Variants in GABRB3 observed in about 807,000 individuals in gnomAD.
GABRB3 encodes the protein gamma-aminobutyric acid receptor subunit beta-3.
GABRB3 carries 14 observed loss-of-function variants against 52.1 expected under a neutral mutation model. The ratio of observed to expected loss-of-function variants is 0.27; its 90% CI spans 0.18 to 0.42. The LOEUF (loss-of-function observed/expected upper bound fraction) is 0.42, where lower values mean the gene tolerates loss of function less well. GABRB3 is among the 10% of genes least tolerant of loss of function. The probability of loss-of-function intolerance (pLI) is 1.00; values close to 1 mark genes in which losing one functional copy is unlikely to be tolerated. For missense variants in GABRB3, 307 were observed against 609.1 expected (o/e 0.50, Z 5.22); for synonymous variants, 260 against 232.3 (o/e 1.12, Z -1.08).
chr15:26,620,665 G>A (rs1943947510), intron 4 of GABRB3, among the ~76,000 whole-genome samples: 2 of 152,176 alleles, frequency 1.3e-5, no homozygotes, highest in Non-Finnish European at 2.9e-5. Flanking sequence ...TTAGCAAGGT[G>A]ATATTCAAAA....
At chr15:26,650,923 T>C (rs1458081659) in intron 3 of GABRB3, among the ~76,000 whole-genome samples, 2 of 152,078 alleles carry the variant, frequency 1.3e-5, no homozygotes, top group Non-Finnish European at 2.9e-5. Context: ...CCAGCTCCAC[T>C]CTCTACTGAG....
At chr15:26,590,559 C>A (rs1358577999) in intron 4 of GABRB3, among the ~76,000 whole-genome samples, 4 of 152,172 alleles carry the variant, frequency 2.6e-5, no homozygotes, top group African/African-American at 7.2e-5. Context: ...TCAAATAATT[C>A]AGACCAAGCA....
chr15:26,600,862 T>A (rs965606427), intron 4 of GABRB3, among the ~76,000 whole-genome samples: 2 of 152,208 alleles, frequency 1.3e-5, no homozygotes, highest in African/African-American at 4.8e-5. Flanking sequence ...ATGTGTAAGA[T>A]GTTATCTCTA....
chr15:26,696,754 G>A (rs1795935005), intron 3 of GABRB3, among the ~76,000 whole-genome samples: 1 of 152,036 alleles, frequency 6.6e-6, no homozygotes, highest in Admixed American at 6.6e-5. Context: ...ACCTGCAGAG[G>A]GTCTCAGGGA....
At chr15:26,653,331 T>C (rs1286332939) in intron 3 of GABRB3, among the ~76,000 whole-genome samples, 1 of 152,132 alleles carries the variant, frequency 6.6e-6, no homozygotes. Context: ...AAGATTGGTG[T>C]TCAAGGTATT....
chr15:26,751,912 G>T (rs1890520252), intron 3 of GABRB3, among the ~76,000 whole-genome samples: 1 of 152,096 alleles, frequency 6.6e-6, no homozygotes, highest in East Asian at 1.9e-4. Context: ...GCTTTCAATG[G>T]GTGCTTGGCA....
chr15:26,702,919 G>A (rs1180897658), intron 3 of GABRB3, among the ~76,000 whole-genome samples: 4 of 152,166 alleles, frequency 2.6e-5, no homozygotes, highest in African/African-American at 9.7e-5. Context: ...CCTTTTGGAG[G>A]CTGGAAAGTC....
intron 3 of GABRB3, among the ~76,000 whole-genome samples, chr15:26,723,922 TGTCATAAACAAGAATG>T (rs537219019): frequency 1.3e-5 from 2 of 151,918 alleles, no homozygotes; most frequent in Non-Finnish European, 2.9e-5. Context: ...AAAAAAAAAA[TGTCATAAACAAGAATG>T]GTAATTGGCT....
At chr15:26,567,000 T>C (rs567202020) in intron 7 of GABRB3, among the ~76,000 whole-genome samples, 12 of 152,362 alleles carry the variant, frequency 7.9e-5, no homozygotes, top group African/African-American at 2.6e-4. Flanking sequence ...ATAATGTTTC[T>C]GAAAATATAA....
intron 3 of GABRB3, among the ~76,000 whole-genome samples, chr15:26,693,507 A>G (rs1320655724): frequency 1.3e-5 from 2 of 152,048 alleles, no homozygotes; most frequent in East Asian, 1.9e-4. Flanking sequence ...TACACTTCAC[A>G]CTCCCAGAGG....
intron 6 of GABRB3, among the ~76,000 whole-genome samples, chr15:26,577,532 AC>A (rs1381392507): frequency 6.6e-6 from 1 of 152,106 alleles, no homozygotes; most frequent in Non-Finnish European, 1.5e-5. Flanking sequence ...AACAAAACAA[AC>A]AAAAAACTCC....
chr15:26,562,853 G>A (rs1052006775), intron 7 of GABRB3, among the ~76,000 whole-genome samples: 1 of 152,116 alleles, frequency 6.6e-6, no homozygotes, highest in African/African-American at 2.4e-5. Context: ...TTTTTATGTA[G>A]AACTGCAAAC....
At chr15:26,585,117 G>T (rs144523675) in intron 4 of GABRB3, among the ~76,000 whole-genome samples, 1 of 152,296 alleles carries the variant, frequency 6.6e-6, no homozygotes, top group Non-Finnish European at 1.5e-5. Context: ...AGGCCACAGC[G>T]GGTGGCCTTG....
intron 3 of GABRB3, among the ~76,000 whole-genome samples, chr15:26,755,041 G>A (rs1379721894): frequency 7.2e-6 from 1 of 138,162 alleles, no homozygotes; most frequent in Non-Finnish European, 1.5e-5. Context: ...GTCTCGCTCT[G>A]TCACCAGGCT....
intron 3 of GABRB3, among the ~76,000 whole-genome samples, chr15:26,748,653 T>G (rs1188385950): frequency 1.3e-5 from 2 of 152,216 alleles, no homozygotes; most frequent in Non-Finnish European, 2.9e-5. Flanking sequence ...ATAAAAATTT[T>G]TATTTGATTA....
intron 8 of GABRB3, among the ~76,000 whole-genome samples, chr15:26,554,734 A>C (rs1889689802): frequency 6.6e-6 from 1 of 152,224 alleles, no homozygotes; most frequent in Non-Finnish European, 1.5e-5. Flanking sequence ...TCTAGGAGGC[A>C]AAGCTTGCTG....
intron 3 of GABRB3, among the ~76,000 whole-genome samples, chr15:26,750,834 A>G (rs751968172): frequency 3.3e-5 from 5 of 152,236 alleles, no homozygotes; most frequent in Non-Finnish European, 5.9e-5. Flanking sequence ...TATTGAATGA[A>G]TAAGAAAAAG....
At chr15:26,745,600 G>C (rs141499332) in intron 3 of GABRB3, among the ~76,000 whole-genome samples, 1 of 152,062 alleles carries the variant, frequency 6.6e-6, no homozygotes, top group African/African-American at 2.4e-5. Context: ...ACAAGGCTCC[G>C]GGTGTCACCT....
At chr15:26,693,549 C>A (rs1161336574) in intron 3 of GABRB3, among the ~76,000 whole-genome samples, 2 of 152,146 alleles carry the variant, frequency 1.3e-5, no homozygotes, top group Non-Finnish European at 2.9e-5. Flanking sequence ...CAGATTTCTG[C>A]CTCCCACTCC....
Sources: gnomAD v4.1 joint callset for allele counts (sites outside exome capture counted in the v4.1 genomes callset) on GRCh38, gnomAD v4.1.1 for gene constraint, MANE v1.5 for transcripts, NCBI Gene and HGNC (gene_info 2026-07-23, HGNC 2026-07-21) for gene names.